PRX: variants seen among roughly 807,000 people sequenced by gnomAD.
PRX encodes periaxin.
Under a neutral mutation model 29.6 loss-of-function variants are expected in PRX, and 24 were observed. That is an observed-to-expected ratio of 0.81 (90% CI 0.59 to 1.14). The LOEUF (loss-of-function observed/expected upper bound fraction) is 1.14, where lower values mean the gene tolerates loss of function less well. Among genes scored for constraint, PRX ranks in the 50% most tolerant of loss-of-function variants. The pLI is 0.00. For synonymous variants in PRX, 772 were observed against 831.7 expected (o/e 0.93, Z 1.24); for missense variants, 1,838 against 1,926.4 (o/e 0.95, Z 0.86).
intron 1 of PRX, among the ~76,000 whole-genome samples, chr19:40,409,009 AC>A (rs754672303): frequency 1.4e-4 from 22 of 151,908 alleles, no homozygotes; most frequent in South Asian, 4.2e-4. Flanking sequence ...GCACCGCCAT[AC>A]CCGGCTATTT....
At chr19:40,399,461 G>C (rs1269430848) in intron 5 of PRX, among the ~76,000 whole-genome samples, 1 of 152,168 alleles carries the variant, frequency 6.6e-6, no homozygotes, top group Non-Finnish European at 1.5e-5. Flanking sequence ...CAGTTCTCCA[G>C]TCACACCTCT....
At chr19:40,404,052 C>T (rs2079515567) in intron 4 of PRX, among the ~76,000 whole-genome samples, 190 bp from the exon 5 acceptor site, 1 of 152,228 alleles carries the variant, frequency 6.6e-6, no homozygotes, top group Admixed American at 6.5e-5. Context: ...GATCCTCCCG[C>T]CTCGGCCTCC....
At chr19:40,399,867 C>CTTTCTTTCTT (rs2079477581) in intron 5 of PRX, among the ~76,000 whole-genome samples, 1 of 64,814 alleles carries the variant, frequency 1.5e-5, no homozygotes, top group Admixed American at 1.4e-4. Context: ...TTCTTTCTTT[C>CTTTCTTTCTT]TTTCTTTCTT....
At position 40,394,085 on chromosome 19, in the gene PRX, T is replaced by G. The variant is rs895345246; in HGVS notation, c.4267A>C (p.Ser1423Arg). Residue 1423 changes from serine (S) to arginine (R), a missense_variant, in exon 7 of 7, where the codon AGT becomes CGT. By Grantham distance (110) the Ser-to-Arg change is moderately radical (BLOSUM62 -1). Transcript: ENST00000324001. The surrounding 1 kb of genome is among the most constrained non-coding windows in gnomAD (Gnocchi z 5.8). ...PRVSLSPKAR[S>R]GSGDQEEGGL... is the part of the protein sequence containing the mutation. The stretch of plus-strand genomic sequence containing the variant: ...CCCTCTTCCTGGTCCCCACTCCCAC[T>G]CCGGGCCTTGGGGCTTAGGGACACC... The G allele has an allele frequency of 6.2e-7, 1 of 1,611,038 alleles. No homozygotes were observed. Among genetic ancestry groups the G allele is most frequent in the Admixed American group, 1.7e-5 (1 of 59,868 alleles).
Position 40,398,562 on chromosome 19 carries a change from G to A in PRX, c.381+58C>T. 6.2e-7 allele frequency: 1 copy of A among 1,604,238 alleles called. No individual in the cohort carries two copies. Among genetic ancestry groups the A allele is most frequent in the South Asian group, 1.1e-5 (1 of 90,904 alleles). On this transcript the variant is annotated intron_variant, in intron 6 of 6. Coordinates refer to ENST00000324001, the MANE Select transcript of PRX (RefSeq NM_181882.3). The surrounding 1 kb of genome is among the most constrained non-coding windows in gnomAD (Gnocchi z 6.3). The stretch of plus-strand genomic sequence containing the variant: ...ACGATGGCGGGGAATGGGGCTCACG[G>A]CGCAGAGACCGGATCGCTGGGGCAG...
rs536729297 is a variant in PRX at position 40,408,456 on chromosome 19, C to G, written c.-242-73G>C. The G allele has an allele frequency of 6.2e-5, 12 of 195,070 alleles. No homozygotes were observed. In the Admixed American group the frequency reaches 6.3e-4, roughly 10 times the overall value. 12.1% of individuals were successfully genotyped at this position (195,070 alleles called of 1,614,324 possible). On this transcript the variant is annotated intron_variant, in intron 1 of 6. Coordinates refer to ENST00000324001, the MANE Select transcript of PRX (RefSeq NM_181882.3). Reference sequence around the variant, plus strand: ...ACTTCCTGAGTGCCTGACCCTGCTGCGTTCTGCTGATACCCTATCCCCGTC... The same window carrying G: ...ACTTCCTGAGTGCCTGACCCTGCTGGGTTCTGCTGATACCCTATCCCCGTC...
In PRX at chr19:40,394,698, C is replaced by T. The variant is rs762858445; in HGVS notation, c.3654G>A (p.Val1218=). ...EGVFKMPTVT[V]PQLELDVGLS... Reference sequence around the variant, plus strand: ...GCCCCACGTCCAGCTCAAGCTGGGGCACTGTCACGGTGGGCATCTTAAAGA... The same window carrying T: ...GCCCCACGTCCAGCTCAAGCTGGGGTACTGTCACGGTGGGCATCTTAAAGA... Residue 1218 remains valine (V), a synonymous_variant, in exon 7 of 7, where the codon GTG becomes GTA. Transcript: ENST00000324001. This position sits in a 1 kb window ranked among gnomAD's most constrained non-coding sequence, Gnocchi z 5.8. The T allele has an allele frequency of 1.9e-6, 3 of 1,611,326 alleles. No individual in the cohort carries two copies. The Admixed American group carries it at 5.0e-5, about 27-fold the overall frequency.
chr19:40,395,671 A>G lies in PRX; in HGVS notation c.2681T>C (p.Val894Ala). 6.2e-7 allele frequency: 1 copy of G among 1,614,050 alleles called. No individual in the cohort carries two copies. Residue 894 changes from valine (V) to alanine (A), a missense_variant, in exon 7 of 7, where the codon GTG becomes GCG. Val to Ala is a moderately conservative substitution (Grantham distance 64, BLOSUM62 0). This residue lies in a region of PRX where 1,143 missense variants were observed against 1,193.0 expected (regional missense o/e 0.96). Coordinates refer to ENST00000324001, the MANE Select transcript of PRX (RefSeq NM_181882.3). ...TTCAACAGAGGGCACTCGGAAGCCC[A>G]CTTCCCTGACCCCTGCTGCCACCTC... is the stretch of plus-strand genomic sequence containing the variant. ...GPEVAAGVRE[V>A]GFRVPSVEIV...
In PRX at chr19:40,396,038, G is replaced by C. The variant is rs1375837271; in HGVS notation, c.2314C>G (p.Pro772Ala). The change falls in exon 7 of 7, where the codon CCA becomes GCA. Residue 772 changes from proline (P) to alanine (A), a missense_variant. Physicochemically the swap from Pro to Ala is conservative, Grantham distance 27 (BLOSUM62 -1). This residue lies in a region of PRX where 1,143 missense variants were observed against 1,193.0 expected (regional missense o/e 0.96). Coordinates refer to ENST00000324001, the MANE Select transcript of PRX (RefSeq NM_181882.3). ...GGAGCCCTGGGCAGCTTCACCTCTG[G>C]TGCCTTCGGAAGATGCACGTCGGGA... ...KVPDVHLPKA[P>A]EVKLPRAPEV... The C allele has an allele frequency of 6.2e-7, 1 of 1,614,074 alleles. No homozygotes were observed. Among genetic ancestry groups the C allele is most frequent in the Non-Finnish European group, 8.5e-7 (1 of 1,180,042 alleles).
chr19:40,402,169 G>C (rs1021397091), intron 5 of PRX, among the ~76,000 whole-genome samples: 5 of 151,678 alleles, frequency 3.3e-5, no homozygotes. Flanking sequence ...TGGCTAACAC[G>C]GTGAAACCCC....
rs186086914 is a variant in PRX at position 40,395,207 on chromosome 19, C to T, written c.3145G>A (p.Gly1049Ser). 193 of 1,614,064 alleles carry T rather than the reference C, an allele frequency of 1.2e-4. 1 individual carries two copies. In the Admixed American group the frequency reaches 3.1e-3, roughly 26 times the overall value. Residue 1049 changes from glycine (G) to serine (S), a missense_variant, in exon 7 of 7, where the codon GGC becomes AGC. By Grantham distance (56) the Gly-to-Ser change is moderately conservative. Around this residue, in one of 3 missense-constraint regions of PRX, gnomAD observed 1,143 missense variants for 1,193.0 expected, o/e 0.96. Coordinates refer to ENST00000324001, the MANE Select transcript of PRX (RefSeq NM_181882.3). ...TTCACCCTCCCATCCCAGCCCCAGC[C>T]CTTGCCCTCCAACTCAGCCACCCCT... ...VPGVAELEGKGWGWDGRVKMP... is the reference protein window; with the variant it reads ...VPGVAELEGKSWGWDGRVKMP...
At chr19:40,406,804 C>T (rs112302719) in intron 4 of PRX, among the ~76,000 whole-genome samples, 51 of 137,786 alleles carry the variant, frequency 3.7e-4, no homozygotes, top group African/African-American at 1.2e-3. Context: ...GACAGAGTCT[C>T]ACTGTGACCC....
Position 40,397,233 on chromosome 19 carries a change from A to G in PRX, c.1119T>C (p.Ala373=), listed in dbSNP as rs779189309. 1.5e-5 allele frequency: 24 copies of G among 1,613,778 alleles called. No homozygotes were observed. Among genetic ancestry groups the G allele is most frequent in the Non-Finnish European group, 2.0e-5 (24 of 1,180,040 alleles). The change falls in exon 7 of 7, where the codon GCT becomes GCC. Residue 373 remains alanine, a synonymous_variant. Coordinates refer to ENST00000324001, the MANE Select transcript of PRX (RefSeq NM_181882.3). ...GGCTGACCTTGGCTACCTTGGCCTC[A>G]GCAACTTCCTTTGCTCGAGCCCCAA... ...PRFGARAKEV[A]EAKVAKVSPE...
chr19:40,403,778 C>G lies in PRX; in HGVS notation c.112G>C (p.Gly38Arg). 6.2e-7 allele frequency: 1 copy of G among 1,603,352 alleles called. No individual in the cohort carries two copies. Among genetic ancestry groups the G allele is most frequent in the Non-Finnish European group, 8.5e-7 (1 of 1,176,098 alleles). Residue 38 changes from glycine (G) to arginine (R), a missense_variant, in exon 5 of 7, where the codon GGC becomes CGC. Gly to Arg is a moderately radical substitution (Grantham distance 125, BLOSUM62 -2). Transcript: ENST00000324001. ...TCCCGAACGAAGATTCCCTCTTTGC[C>G]GCCGCCCGCTACGTTGATGCCGCTG... ...GVSGINVAGG[G>R]KEGIFVRELR...
chr19:40,397,482 G>A lies in PRX; in HGVS notation c.870C>T (p.Ile290=), dbSNP rs758097995. The change falls in exon 7 of 7, where the codon ATC becomes ATT. Residue 290 remains isoleucine (I), a synonymous_variant. Coordinates refer to ENST00000324001, the MANE Select transcript of PRX (RefSeq NM_181882.3). ...PPAVEAPAVG[I]QVPQVELPAL... ...CAGGCAGCTCCACCTGGGGGACCTG[G>A]ATTCCCACGGCTGGGGCCTCCACAG... 1 of 1,565,232 alleles carries A rather than the reference G, an allele frequency of 6.4e-7. No homozygotes were observed. Among genetic ancestry groups the A allele is most frequent in the Non-Finnish European group, 8.6e-7 (1 of 1,157,288 alleles).
intron 1 of PRX, among the ~76,000 whole-genome samples, chr19:40,411,658 C>A (rs1450949782): frequency 6.6e-6 from 1 of 152,140 alleles, no homozygotes; most frequent in Admixed American, 6.5e-5. Context: ...TCCTGAGCCA[C>A]GTACCCAGCC....
rs907283344 is a variant in PRX at position 40,407,481 on chromosome 19, G to A, written c.27+425C>T. 21 of 223,362 alleles carry A rather than the reference G, an allele frequency of 9.4e-5. 1 individual carries two copies. Among genetic ancestry groups the A allele is most frequent in the South Asian group, 3.6e-4 (6 of 16,730 alleles). The allele number at this position is 223,362 out of a possible 1,614,324, so 13.8% of individuals were successfully genotyped here. ...CCAAACCCGGCTCATTTTTTTTTCC[G>A]GTAGAGACAGGGTCTTCCTATGTTG... On this transcript the variant is annotated intron_variant, in intron 4 of 6. Coordinates refer to ENST00000324001, the MANE Select transcript of PRX (RefSeq NM_181882.3).
At chr19:40,402,685 G>C (rs928131552) in intron 5 of PRX, among the ~76,000 whole-genome samples, 4 of 150,752 alleles carry the variant, frequency 2.7e-5, no homozygotes, top group South Asian at 2.1e-4. Flanking sequence ...TGAGGCAGGA[G>C]AATGGTGTGA....
Position 40,395,845 on chromosome 19 carries a change from C to T in PRX, c.2507G>A (p.Cys836Tyr). The T allele has an allele frequency of 1.2e-6, 2 of 1,614,208 alleles. No individual in the cohort carries two copies. The highest frequency in any genetic ancestry group is 1.7e-5 in the Admixed American group (1 of 60,024). The change falls in exon 7 of 7, where the codon TGT becomes TAT. Residue 836 changes from cysteine (C) to tyrosine (Y), a missense_variant. Cys to Tyr is a radical substitution (Grantham distance 194). Transcript: ENST00000324001. The part of the protein sequence containing the change: ...EVSGKLVTLP[C>Y]LQPEVDGEAH... The stretch of plus-strand genomic sequence containing the variant: ...CTCACCATCCACCTCTGGCTGCAGA[C>T]AGGGAAGTGTTACCAGCTTCCCTGA...
Sources: allele counts gnomAD v4.1 joint callset (sites outside exome capture counted in the v4.1 genomes callset), GRCh38; gene constraint gnomAD v4.1.1; regional missense constraint gnomAD v4.1.1; non-coding constraint Gnocchi (gnomAD v3.1); transcripts MANE v1.5; gene names NCBI Gene and HGNC (gene_info 2026-07-23, HGNC 2026-07-21).